The following SLC44A5 variants were observed in gnomAD, a reference collection of about 807,000 sequenced individuals.
The protein encoded by SLC44A5 is choline transporter-like protein 5.
Under a neutral mutation model 101.8 loss-of-function variants are expected in SLC44A5, and 57 were observed. That is an observed-to-expected ratio of 0.56 (90% CI 0.45 to 0.70). The LOEUF (loss-of-function observed/expected upper bound fraction) is 0.70. Ranked by LOEUF, SLC44A5 falls within the 30% of genes least tolerant of loss-of-function variation. SLC44A5 has a pLI of 0.00. For synonymous variants in SLC44A5, 281 were observed against 290.9 expected (o/e 0.97, Z 0.35); for missense variants, 737 against 853.1 (o/e 0.86, Z 1.70).
chr1:75,301,907 C>G (rs7555813), intron 4 of SLC44A5, among the ~76,000 whole-genome samples: 11 of 152,070 alleles, frequency 7.2e-5, no homozygotes, highest in Admixed American at 2.0e-4. Context: ...ATAGCTACAT[C>G]TAAAATCAAT....
At chr1:75,600,826 G>C (rs1211935975) in intron 1 of SLC44A5, among the ~76,000 whole-genome samples, 1 of 152,118 alleles carries the variant, frequency 6.6e-6, no homozygotes, top group Non-Finnish European at 1.5e-5. Flanking sequence ...TGTATAACTA[G>C]ATATGGCTAC....
chr1:75,563,708 G>A (rs897470531), intron 1 of SLC44A5, among the ~76,000 whole-genome samples: 1 of 152,034 alleles, frequency 6.6e-6, no homozygotes, highest in Non-Finnish European at 1.5e-5. Flanking sequence ...AAATGTAAAT[G>A]AAATTGTTAT....
Position 75,446,649 on chromosome 1 carries a change from T to TAC in SLC44A5, c.14-50030_14-50029dup, listed in dbSNP as rs10547175. ...GTGAACTGTGAATAGTGCCTGGCTA[T>TAC]ACACACACACACACACACACACACA... is the stretch of plus-strand genomic sequence containing the variant. On this transcript the variant is annotated intron_variant, in intron 2 of 23. Transcript: ENST00000370859. 6.6e-3 allele frequency among the ~76,000 whole-genome samples: 985 copies of TAC among 149,808 alleles called. 12 individuals are homozygous for TAC. The highest frequency in any genetic ancestry group is 0.019 in the African/African-American group (768 of 40,732).
intron 2 of SLC44A5, among the ~76,000 whole-genome samples, chr1:75,462,856 G>T (rs1666580628): frequency 6.6e-6 from 1 of 151,820 alleles, no homozygotes; most frequent in Non-Finnish European, 1.5e-5. Context: ...AAAGAAAACA[G>T]AATTTTTTTA....
At chr1:75,575,625 T>C (rs557711371) in intron 1 of SLC44A5, among the ~76,000 whole-genome samples, 50 of 152,314 alleles carry the variant, frequency 3.3e-4, no homozygotes, top group African/African-American at 1.1e-3. Context: ...ACAAGTTATT[T>C]AGAGTAGTCC....
intron 1 of SLC44A5, among the ~76,000 whole-genome samples, chr1:75,544,382 T>C (rs1236505425): frequency 6.6e-6 from 1 of 152,196 alleles, no homozygotes; most frequent in Admixed American, 6.5e-5. Flanking sequence ...GGTATTCTGT[T>C]ACAGCAGCAC....
chr1:75,475,534 AT>A (rs1251149639), intron 2 of SLC44A5, among the ~76,000 whole-genome samples: 2 of 152,174 alleles, frequency 1.3e-5, no homozygotes, highest in Non-Finnish European at 2.9e-5. Flanking sequence ...TCCTTCTAAA[AT>A]ATCTCCTTGC....
intron 2 of SLC44A5, among the ~76,000 whole-genome samples, chr1:75,481,120 C>A (rs921874883): frequency 2.0e-5 from 3 of 152,198 alleles, no homozygotes; most frequent in African/African-American, 7.2e-5. Context: ...ACTATCTGAT[C>A]TTTGGCAAAC....
chr1:75,701,667 C>G, the SLC44A5 span, among the ~76,000 whole-genome samples: 1 of 152,238 alleles, frequency 6.6e-6, no homozygotes, highest in East Asian at 1.9e-4. Flanking sequence ...GGCAATCAGG[C>G]AGGAGAAATA....
At chr1:75,385,634 G>T (rs909915454) in intron 3 of SLC44A5, among the ~76,000 whole-genome samples, 80 of 152,270 alleles carry the variant, frequency 5.3e-4, no homozygotes, top group African/African-American at 1.8e-3. Flanking sequence ...GAGGTATAAG[G>T]ATGAGCTGCT....
At chr1:75,271,690 C>G (rs1416434160) in intron 6 of SLC44A5, among the ~76,000 whole-genome samples, 1 of 151,916 alleles carries the variant, frequency 6.6e-6, no homozygotes, top group Non-Finnish European at 1.5e-5. Flanking sequence ...TGTGTATATA[C>G]AACATTTTCT....
intron 20 of SLC44A5, 77 bp downstream of exon 20, chr1:75,214,528 A>T: frequency 8.7e-7 from 1 of 1,154,116 alleles, no homozygotes; most frequent in Non-Finnish European, 1.3e-6. Flanking sequence ...CCAACACTTT[A>T]AATAACAACA....
At chr1:75,482,059 GCA>G (rs1667891574) in intron 2 of SLC44A5, among the ~76,000 whole-genome samples, 1 of 151,990 alleles carries the variant, frequency 6.6e-6, no homozygotes, top group African/African-American at 2.4e-5. Context: ...AGAAAATGTG[GCA>G]CATATACACC....
the SLC44A5 span, among the ~76,000 whole-genome samples, chr1:75,637,024 T>G: frequency 6.6e-6 from 1 of 152,040 alleles, no homozygotes; most frequent in Non-Finnish European, 1.5e-5. Context: ...TGGTAATCAT[T>G]AGCTGTATGT....
intron 1 of SLC44A5, among the ~76,000 whole-genome samples, chr1:75,597,101 T>G (rs572421762): frequency 2.4e-3 from 364 of 150,146 alleles, no homozygotes; most frequent in Non-Finnish European, 4.0e-3. Flanking sequence ...AGTGGGAGGA[T>G]GGCTTGAGCC....
At chr1:75,677,931 G>C in the SLC44A5 span, 1 of 213,442 alleles carries the variant, frequency 4.7e-6, no homozygotes, top group Non-Finnish European at 9.6e-6. Flanking sequence ...GAAGCAGGGC[G>C]AGGCATTGCC....
the SLC44A5 span, among the ~76,000 whole-genome samples, chr1:75,698,139 G>C: frequency 6.6e-6 from 1 of 152,198 alleles, no homozygotes; most frequent in Non-Finnish European, 1.5e-5. Context: ...CTCAAATTGG[G>C]TGGAGCCCAC....
chr1:75,607,560 T>C (rs934071117), intron 1 of SLC44A5, among the ~76,000 whole-genome samples: 7 of 152,062 alleles, frequency 4.6e-5, no homozygotes, highest in African/African-American at 1.4e-4. Flanking sequence ...CTGACATAGT[T>C]TGGGCTGTGT....
At chr1:75,579,317 T>C (rs1188831855) in intron 1 of SLC44A5, among the ~76,000 whole-genome samples, 1 of 152,086 alleles carries the variant, frequency 6.6e-6, no homozygotes, top group East Asian at 1.9e-4. Context: ...GAGGCAAACA[T>C]CTATAGTCCC....
Sources: gnomAD v4.1 joint callset for allele counts (sites outside exome capture counted in the v4.1 genomes callset) on GRCh38, gnomAD v4.1.1 for gene constraint, MANE v1.5 for transcripts, NCBI Gene and HGNC (gene_info 2026-07-23, HGNC 2026-07-21) for gene names.